PCDHGA6: variants seen among roughly 807,000 people sequenced by gnomAD.
The protein encoded by PCDHGA6 is protocadherin gamma subfamily A, 6.
Under a neutral mutation model 60.6 loss-of-function variants are expected in PCDHGA6, and 41 were observed. The ratio of observed to expected loss-of-function variants is 0.68; its 90% CI spans 0.53 to 0.88. The LOEUF is 0.88. PCDHGA6 is among the 40% of genes least tolerant of loss of function. PCDHGA6 has a pLI of 0.00. For missense variants in PCDHGA6, 1,312 were observed against 1,203.0 expected (o/e 1.09, Z -1.34); for synonymous variants, 594 against 524.4 (o/e 1.13, Z -1.81).
intron 2 of PCDHGA6, among the ~76,000 whole-genome samples, chr5:141,502,358 TA>T (rs1283802909): frequency 6.6e-6 from 1 of 152,134 alleles, no homozygotes; most frequent in African/African-American, 2.4e-5. Context: ...ATGACATGGA[TA>T]TTTTTAAAGA....
At position 141,375,761 on chromosome 5, in the gene PCDHGA6, C is replaced by T. The variant is rs1771855837; in HGVS notation, c.1678C>T (p.Pro560Ser). ...LFVLDQNDNA[P>S]EILYPALPTD... Reference sequence around the variant, plus strand: ...TGTGCTGGACCAGAATGACAATGCGCCCGAGATCCTGTACCCCGCCCTCCC... The same window carrying T: ...TGTGCTGGACCAGAATGACAATGCGTCCGAGATCCTGTACCCCGCCCTCCC... The change falls in exon 1 of 4, where the codon CCC becomes TCC. Residue 560 changes from proline (P) to serine (S), a missense_variant. By Grantham distance (74) the Pro-to-Ser change is moderately conservative. Coordinates refer to ENST00000517434, the MANE Select transcript of PCDHGA6 (RefSeq NM_018919.3). 1 of 1,614,118 alleles carries T rather than the reference C, an allele frequency of 6.2e-7. No individual in the cohort carries two copies. Among genetic ancestry groups the T allele is most frequent in the Admixed American group, 1.7e-5 (1 of 60,012 alleles).
chr5:141,506,742 A>G (rs1475692668), intron 3 of PCDHGA6, among the ~76,000 whole-genome samples: 5 of 152,172 alleles, frequency 3.3e-5, no homozygotes, highest in Non-Finnish European at 7.3e-5. Context: ...AATGCCTATT[A>G]ATAAAGACTA....
chr5:141,394,972 A>G (rs766374618), intron 1 of PCDHGA6: 1 of 1,613,902 alleles, frequency 6.2e-7, no homozygotes, highest in Non-Finnish European at 8.5e-7. Context: ...AGGCGCTGGC[A>G]CAAGTCACGC....
chr5:141,405,164 T>C, intron 1 of PCDHGA6: 1 of 1,614,076 alleles, frequency 6.2e-7, no homozygotes, highest in East Asian at 2.2e-5. Flanking sequence ...TGTGCCCACC[T>C]CACACTTTGT....
At chr5:141,388,860 A>T (rs781769294) in intron 1 of PCDHGA6, 2 of 1,613,902 alleles carry the variant, frequency 1.2e-6, no homozygotes, top group South Asian at 2.2e-5. Flanking sequence ...TGGAGGAATG[A>T]TTGCGCAATG....
At chr5:141,384,599 T>A (rs772846090) in intron 1 of PCDHGA6, 4 of 1,614,132 alleles carry the variant, frequency 2.5e-6, no homozygotes, top group Non-Finnish European at 2.5e-6. Flanking sequence ...TACCCGGCCC[T>A]CCCCACAGAT....
chr5:141,408,870 G>A (rs780987841), intron 1 of PCDHGA6: 1 of 1,613,656 alleles, frequency 6.2e-7, no homozygotes, highest in South Asian at 1.1e-5. Context: ...CCACCAAGAA[G>A]TGCCACCGCT....
chr5:141,413,381 G>A, intron 1 of PCDHGA6: 1 of 1,613,946 alleles, frequency 6.2e-7, no homozygotes, highest in Non-Finnish European at 8.5e-7. Flanking sequence ...CGCGGAGTCC[G>A]CATAGTCTCC....
chr5:141,510,995 G>T lies in PCDHGA6; in HGVS notation c.2621G>T (p.Gly874Val). ...STLGGGAGTM[G>V]LSARYGPQFT... is the part of the protein sequence containing the mutation. ...CTGGGAGGGGGTGCCGGCACCATGG[G>T]ATTGAGCGCCCGCTACGGACCCCAG... is the stretch of plus-strand genomic sequence containing the variant. Residue 874 changes from glycine to valine, a missense_variant, in exon 4 of 4, where the codon GGA becomes GTA. Physicochemically the swap from Gly to Val is moderately radical, Grantham distance 109. Coordinates refer to ENST00000517434, the MANE Select transcript of PCDHGA6 (RefSeq NM_018919.3). The T allele has an allele frequency of 6.2e-7, 1 of 1,614,172 alleles. No individual in the cohort carries two copies. Among genetic ancestry groups the T allele is most frequent in the Non-Finnish European group, 8.5e-7 (1 of 1,180,018 alleles).
At position 141,496,266 on chromosome 5, in the gene PCDHGA6, AAGACCTTC is replaced by A. The variant is rs2099767586; in HGVS notation, c.2483+1404_2483+1411del. Among the ~76,000 whole-genome samples the A allele has an allele frequency of 2.0e-5, 3 of 152,152 alleles. No homozygotes were observed. The South Asian group carries it at 6.2e-4, about 32-fold the overall frequency. Reference sequence around the variant, plus strand: ...TGAAGGGGAGGGAAACTTCAGCAGAAAGACCTTCAGTTGGTCTGAGCAGAGTGGGATAG... The same window carrying A: ...TGAAGGGGAGGGAAACTTCAGCAGAAAGTTGGTCTGAGCAGAGTGGGATAG... On this transcript the variant is annotated intron_variant, in intron 2 of 3. Coordinates refer to ENST00000517434, the MANE Select transcript of PCDHGA6 (RefSeq NM_018919.3).
At chr5:141,395,177 T>C in intron 1 of PCDHGA6, 2 of 1,614,120 alleles carry the variant, frequency 1.2e-6, no homozygotes, top group South Asian at 2.2e-5. Flanking sequence ...GTGAGAAAAA[T>C]GATTCTTTGT....
chr5:141,486,654 T>C lies in PCDHGA6; in HGVS notation c.2425-8153T>C. ...TTGAATGCGCTTATCTCCTACTCAC[T>C]CCTGGAGCCCAGGAATCGAGATGTA... is the stretch of plus-strand genomic sequence containing the variant. On this transcript the variant is annotated intron_variant, in intron 1 of 3. Coordinates refer to ENST00000517434, the MANE Select transcript of PCDHGA6 (RefSeq NM_018919.3). The surrounding 1 kb of genome is among the most constrained non-coding windows in gnomAD (Gnocchi z 5.0). The C allele has an allele frequency of 2.5e-6, 4 of 1,613,922 alleles. No individual in the cohort carries two copies. Among genetic ancestry groups the C allele is most frequent in the Non-Finnish European group, 3.4e-6 (4 of 1,180,026 alleles).
At chr5:141,382,392 C>T (rs1778169191) in intron 1 of PCDHGA6, among the ~76,000 whole-genome samples, 1 of 152,092 alleles carries the variant, frequency 6.6e-6, no homozygotes, top group Non-Finnish European at 1.5e-5. Context: ...AACTGATTTT[C>T]CCATGTGCAA....
intron 3 of PCDHGA6, among the ~76,000 whole-genome samples, chr5:141,508,620 G>A (rs1017391751): frequency 2.0e-5 from 3 of 152,070 alleles, no homozygotes; most frequent in East Asian, 1.9e-4. Context: ...GACGTGGGTG[G>A]GCCGAGCTTC....
At chr5:141,470,851 A>G (rs1410012138) in intron 1 of PCDHGA6, among the ~76,000 whole-genome samples, 2 of 151,876 alleles carry the variant, frequency 1.3e-5, no homozygotes, top group Non-Finnish European at 2.9e-5. Context: ...CCATGCTCAG[A>G]TAAGTTTTTT....
chr5:141,486,617 C>A lies in PCDHGA6; in HGVS notation c.2425-8190C>A. On this transcript the variant is annotated intron_variant, in intron 1 of 3. Coordinates refer to ENST00000517434, the MANE Select transcript of PCDHGA6 (RefSeq NM_018919.3). The surrounding 1 kb of genome is among the most constrained non-coding windows in gnomAD (Gnocchi z 5.0). The stretch of plus-strand genomic sequence containing the variant: ...GCTTTGCTCCCTTGCAGCCTCTGAC[C>A]CAGACTCTGGCTTGAATGCGCTTAT... The A allele has an allele frequency of 1.2e-6, 2 of 1,613,602 alleles. No homozygotes were observed. The highest frequency in any genetic ancestry group is 2.2e-5 in the East Asian group (1 of 44,874).
intron 1 of PCDHGA6, chr5:141,414,187 T>A: frequency 6.2e-7 from 1 of 1,609,834 alleles, no homozygotes; most frequent in South Asian, 1.1e-5. Flanking sequence ...TGCAAAAGTG[T>A]TGATTACAGT....
chr5:141,400,783 T>G (rs2094075214), intron 1 of PCDHGA6: 1 of 566,968 alleles, frequency 1.8e-6, no homozygotes, highest in African/African-American at 1.9e-5. Flanking sequence ...TGCGTTTTTT[T>G]GTCCTCTTTC....
Position 141,374,829 on chromosome 5 carries a change from T to A in PCDHGA6, c.746T>A (p.Val249Glu). 1.2e-6 allele frequency: 2 copies of A among 1,613,956 alleles called. No homozygotes were observed. Among genetic ancestry groups the A allele is most frequent in the South Asian group, 1.1e-5 (1 of 91,084 alleles). The change falls in exon 1 of 4, where the codon GTA (valine) becomes GAA (glutamate). Residue 249 changes from valine (V) to glutamate (E), a missense_variant. Transcript: ENST00000517434. ...TPMFTQPVYRVSVPENLPVGT... is the reference protein window; with the variant it reads ...TPMFTQPVYRESVPENLPVGT... ...ATGTTTACTCAGCCTGTCTACCGTG[T>A]AAGTGTTCCTGAAAACCTGCCAGTA...
Sources: allele counts gnomAD v4.1 joint callset (sites outside exome capture counted in the v4.1 genomes callset), GRCh38; gene constraint gnomAD v4.1.1; non-coding constraint Gnocchi (gnomAD v3.1); transcripts MANE v1.5; gene names NCBI Gene and HGNC (gene_info 2026-07-23, HGNC 2026-07-21).